The following PTPRT variants were observed in gnomAD, a reference collection of about 807,000 sequenced individuals.
PTPRT encodes protein tyrosine phosphatase receptor type T.
PTPRT carries 56 observed loss-of-function variants against 176.8 expected under a neutral mutation model. The ratio of observed to expected loss-of-function variants is 0.32; its 90% confidence interval spans 0.26 to 0.40. PTPRT has a LOEUF of 0.40. Ranked by LOEUF, PTPRT falls within the 10% of genes least tolerant of loss-of-function variation. The pLI is 1.00. For synonymous variants in PTPRT, 783 were observed against 739.0 expected (o/e 1.06, Z -0.96); for missense variants, 1,540 against 1,908.2 (o/e 0.81, Z 3.60).
Position 42,472,378 on chromosome 20 carries a change from G to A in PTPRT, c.1338C>T (p.His446=). ...EAEEVIQTSS[H]YTLRGLRPFM... is the part of the protein sequence containing the mutation. ...AGGGGCGCAGGCCTCGCAGGGTGTA[G>A]TGGGAGGAGGTCTGGATGACCTCCT... Residue 446 remains histidine, a synonymous_variant, in exon 8 of 31, where the codon CAC becomes CAT. Transcript: ENST00000373187. The A allele has an allele frequency of 1.2e-6, 2 of 1,614,240 alleles. No homozygotes were observed. The highest frequency in any genetic ancestry group is 1.7e-6 in the Non-Finnish European group (2 of 1,180,040).
chr20:42,272,064 C>A (rs1196984762), intron 13 of PTPRT, among the ~76,000 whole-genome samples: 1 of 152,086 alleles, frequency 6.6e-6, no homozygotes, highest in Non-Finnish European at 1.5e-5. Context: ...GACTTGTAGG[C>A]CAAATCTGGC....
At chr20:42,780,022 C>T (rs753733470) in intron 4 of PTPRT, among the ~76,000 whole-genome samples, 196 bp downstream of exon 4, 1 of 152,086 alleles carries the variant, frequency 6.6e-6, no homozygotes, top group Non-Finnish European at 1.5e-5. Context: ...GGAGGTGCTG[C>T]CTGTTGAACA....
chr20:42,063,553 G>A, the PTPRT span: 1 of 152,214 alleles, frequency 6.6e-6, no homozygotes, highest in African/African-American at 2.4e-5. Context: ...TCGGAGGGAA[G>A]CTTTACTCAT....
chr20:42,750,355 A>C (rs183958036), intron 6 of PTPRT, among the ~76,000 whole-genome samples: 26 of 152,142 alleles, frequency 1.7e-4, no homozygotes. Context: ...TTTATATATT[A>C]TATGTATGTT....
At chr20:42,521,247 C>T (rs895534088) in intron 7 of PTPRT, among the ~76,000 whole-genome samples, 1 of 152,070 alleles carries the variant, frequency 6.6e-6, no homozygotes, top group African/African-American at 2.4e-5. Context: ...ACCCCTTAAG[C>T]TCATATAAAA....
At chr20:42,591,973 T>C (rs986442125) in intron 7 of PTPRT, among the ~76,000 whole-genome samples, 2 of 133,822 alleles carry the variant, frequency 1.5e-5, no homozygotes, top group Non-Finnish European at 3.2e-5. Context: ...TTGCTGGAGA[T>C]TCTTTTTTTT....
rs527951396 is a variant in PTPRT at position 42,620,542 on chromosome 20, C to T, written c.1153+57324G>A. On this transcript the variant is annotated intron_variant, in intron 7 of 30. Transcript: ENST00000373187. ...ATGGCGGGCGCCCCTCCCCCAGCCT[C>T]GTTGTCGCCTTGCAGTTTGATCTCA... Among the ~76,000 whole-genome samples, 927 of 150,012 alleles carry T rather than the reference C, an allele frequency of 6.2e-3. 19 individuals are homozygous for T. The highest frequency in any genetic ancestry group is 6.7e-3 in the Non-Finnish European group (454 of 67,740).
At chr20:42,821,467 C>A (rs1389421756) in intron 2 of PTPRT, among the ~76,000 whole-genome samples, 1 of 152,126 alleles carries the variant, frequency 6.6e-6, no homozygotes, top group Non-Finnish European at 1.5e-5. Flanking sequence ...ATTGAACGGG[C>A]AAAAGCTGGA....
At chr20:42,988,803 G>T (rs1983738588) in intron 1 of PTPRT, among the ~76,000 whole-genome samples, 1 of 152,168 alleles carries the variant, frequency 6.6e-6, no homozygotes, top group Non-Finnish European at 1.5e-5. Flanking sequence ...GACATGCTAG[G>T]AATGAGGGCA....
chr20:43,050,264 C>T (rs189189511), intron 1 of PTPRT, among the ~76,000 whole-genome samples: 41 of 152,324 alleles, frequency 2.7e-4, no homozygotes, highest in African/African-American at 8.7e-4. Flanking sequence ...AGGGCTGTGG[C>T]ATTGGGACAC....
chr20:42,918,224 G>A (rs1282896870), intron 1 of PTPRT, among the ~76,000 whole-genome samples: 1 of 152,122 alleles, frequency 6.6e-6, no homozygotes, highest in African/African-American at 2.4e-5. Context: ...GGGTAAGTCA[G>A]GGCAGAGCTG....
At chr20:42,955,743 C>T (rs1345009043) in intron 1 of PTPRT, among the ~76,000 whole-genome samples, 1 of 151,802 alleles carries the variant, frequency 6.6e-6, no homozygotes, top group Admixed American at 6.6e-5. Context: ...GGAACAGAGG[C>T]TGAGGCAGTA....
intron 16 of PTPRT, among the ~76,000 whole-genome samples, chr20:42,173,513 A>G (rs528574718): frequency 1.1e-4 from 16 of 152,342 alleles, no homozygotes; most frequent in Admixed American, 6.5e-4. Context: ...TCAAAATTCT[A>G]TCAAAATCAG....
intron 12 of PTPRT, among the ~76,000 whole-genome samples, chr20:42,313,440 A>C (rs566252496): frequency 1.3e-5 from 2 of 152,018 alleles, no homozygotes; most frequent in East Asian, 3.9e-4. Flanking sequence ...CCTGTAACAA[A>C]ACCTCTGTGG....
At chr20:42,788,020 C>T (rs1238764497) in intron 3 of PTPRT, among the ~76,000 whole-genome samples, 1 of 152,046 alleles carries the variant, frequency 6.6e-6, no homozygotes, top group Non-Finnish European at 1.5e-5. Context: ...TGTACTAAAA[C>T]ATATTACACA....
intron 2 of PTPRT, among the ~76,000 whole-genome samples, chr20:42,805,009 C>T (rs1483180472): frequency 2.0e-5 from 3 of 152,138 alleles, no homozygotes; most frequent in African/African-American, 7.2e-5. Flanking sequence ...CAGAATTTAA[C>T]TCCTAATAAG....
At position 42,399,228 on chromosome 20, in the gene PTPRT, G is replaced by C. The variant is rs554702505; in HGVS notation, c.1561-46943C>G. Among the ~76,000 whole-genome samples, 3 of 152,196 alleles carry C rather than the reference G, an allele frequency of 2.0e-5. No homozygotes were observed. In the East Asian group the frequency reaches 5.8e-4, roughly 29 times the overall value. On this transcript the variant is annotated intron_variant, in intron 9 of 30. Coordinates refer to ENST00000373187, the MANE Select transcript of PTPRT (RefSeq NM_007050.6). ...AGAGTGGCAATGTCACATTGCAAAG[G>C]GGCATGGGCATGGGCATAGGGATGT...
At chr20:42,820,180 C>G (rs1018542673) in intron 2 of PTPRT, among the ~76,000 whole-genome samples, 9 of 151,972 alleles carry the variant, frequency 5.9e-5, no homozygotes, top group African/African-American at 2.2e-4. Flanking sequence ...AAAACACTCC[C>G]TAGGAAATGC....
At chr20:42,136,148 G>C (rs998131945) in intron 18 of PTPRT, among the ~76,000 whole-genome samples, 1 of 151,962 alleles carries the variant, frequency 6.6e-6, no homozygotes, top group African/African-American at 2.4e-5. Flanking sequence ...CTTCAAAGAG[G>C]TGGGGCTGGG....
Sources: gnomAD v4.1 joint callset for allele counts (sites outside exome capture counted in the v4.1 genomes callset) on GRCh38, gnomAD v4.1.1 for gene constraint, MANE v1.5 for transcripts, NCBI Gene and HGNC (gene_info 2026-07-23, HGNC 2026-07-21) for gene names.